CEP128: variants seen among roughly 807,000 people sequenced by gnomAD.
The protein encoded by CEP128 is centrosomal protein 128.
A neutral mutation model predicts 156.7 loss-of-function variants in CEP128; 132 were observed. That is an observed-to-expected ratio of 0.84 (90% confidence interval 0.73 to 0.97). CEP128 has a LOEUF of 0.97. CEP128 is among the 50% of genes least tolerant of loss of function. The pLI, the probability that CEP128 is intolerant of heterozygous loss-of-function variation, is 0.00. For synonymous variants in CEP128, 469 were observed against 448.9 expected (o/e 1.04, Z -0.57); for missense variants, 1,252 against 1,281.9 (o/e 0.98, Z 0.36).
rs1426169041 is a variant in CEP128, at chr14:80,776,535, TATTA to T, written c.2376+1343_2376+1346del. Among the ~76,000 whole-genome samples the T allele has an allele frequency of 8.8e-5, 13 of 147,914 alleles. No homozygotes were observed. In the East Asian group the frequency reaches 2.5e-3, roughly 29 times the overall value. On this transcript the variant is annotated intron_variant, in intron 16 of 24. Coordinates refer to ENST00000555265, the MANE Select transcript of CEP128 (RefSeq NM_152446.5). ...TTTTACTACTCTATATATTAATATA[TATTA>T]ATTATATATATTATTATATATATTA... is the stretch of plus-strand genomic sequence containing the variant.
chr14:80,933,876 T>G (rs1885631281), intron 2 of CEP128, among the ~76,000 whole-genome samples: 1 of 152,162 alleles, frequency 6.6e-6, no homozygotes, highest in African/African-American at 2.4e-5. Flanking sequence ...TTTTAGGAAG[T>G]CTGCATATGT....
chr14:80,551,462 C>T (rs1890205561), intron 21 of CEP128, among the ~76,000 whole-genome samples: 1 of 152,152 alleles, frequency 6.6e-6, no homozygotes, highest in Non-Finnish European at 1.5e-5. Flanking sequence ...ACTGTCAAAC[C>T]AATCAGACAA....
chr14:80,828,926 C>A (rs1885632686), intron 13 of CEP128, among the ~76,000 whole-genome samples: 1 of 152,124 alleles, frequency 6.6e-6, no homozygotes, highest in Non-Finnish European at 1.5e-5. Flanking sequence ...TATAAGGCAA[C>A]AGCTCCATAC....
At chr14:80,543,760 C>T (rs569865325) in intron 21 of CEP128, among the ~76,000 whole-genome samples, 3 of 152,312 alleles carry the variant, frequency 2.0e-5, no homozygotes, top group Non-Finnish European at 2.9e-5. Flanking sequence ...AACAATGAAG[C>T]TTTGTGGCTG....
intron 2 of CEP128, among the ~76,000 whole-genome samples, chr14:80,937,779 T>G (rs1227706012): frequency 2.6e-5 from 4 of 152,182 alleles, no homozygotes; most frequent in Admixed American, 6.5e-5. Context: ...ATAATATACA[T>G]GCTAATATAG....
chr14:80,645,007 G>C (rs933019733), intron 19 of CEP128, among the ~76,000 whole-genome samples: 1 of 151,992 alleles, frequency 6.6e-6, no homozygotes, highest in Non-Finnish European at 1.5e-5. Flanking sequence ...GACTACAAAC[G>C]TTGATAAATG....
At chr14:80,678,433 C>G (rs942817997) in intron 19 of CEP128, among the ~76,000 whole-genome samples, 1 of 151,842 alleles carries the variant, frequency 6.6e-6, no homozygotes, top group African/African-American at 2.4e-5. Context: ...TTTCTCCCCC[C>G]ACAAAATGGC....
At chr14:80,629,341 A>G (rs2140715600) in intron 19 of CEP128, among the ~76,000 whole-genome samples, 1 of 152,290 alleles carries the variant, frequency 6.6e-6, no homozygotes, top group East Asian at 1.9e-4. Flanking sequence ...ACAGTGTGTT[A>G]AACATCTAGC....
chr14:80,654,898 T>C (rs552442098), intron 19 of CEP128, among the ~76,000 whole-genome samples: 3 of 152,244 alleles, frequency 2.0e-5, no homozygotes, highest in East Asian at 1.9e-4. Flanking sequence ...AGTGTCACAG[T>C]GTAGCCACTG....
intron 19 of CEP128, among the ~76,000 whole-genome samples, chr14:80,598,589 C>A (rs1297124847): frequency 6.6e-6 from 1 of 152,034 alleles, no homozygotes; most frequent in Non-Finnish European, 1.5e-5. Context: ...CAAAATACAG[C>A]AATACTTTTT....
chr14:80,653,296 C>T (rs1894989381), intron 19 of CEP128, among the ~76,000 whole-genome samples: 1 of 151,934 alleles, frequency 6.6e-6, no homozygotes. Context: ...AACAAACCTG[C>T]ACATTCTACA....
intron 18 of CEP128, among the ~76,000 whole-genome samples, chr14:80,744,570 T>C (rs968050098): frequency 6.6e-6 from 1 of 152,170 alleles, no homozygotes; most frequent in Admixed American, 6.5e-5. Flanking sequence ...GAAACTCTAT[T>C]TAACCTCATT....
chr14:80,862,171 C>A (rs1318752576), intron 9 of CEP128, among the ~76,000 whole-genome samples: 2 of 152,094 alleles, frequency 1.3e-5, no homozygotes, highest in African/African-American at 2.4e-5. Context: ...TGTAAAGGGC[C>A]AAACTGCCAA....
downstream of CEP128, among the ~76,000 whole-genome samples, chr14:80,488,417 A>G (rs1183795428): frequency 6.6e-6 from 1 of 151,336 alleles, no homozygotes; most frequent in Non-Finnish European, 1.5e-5. Context: ...AGAATTGCAA[A>G]TCAAAACCAC....
At chr14:80,479,863 G>A (rs1887017230) in intron 14 of CEP128, among the ~76,000 whole-genome samples, 1 of 152,166 alleles carries the variant, frequency 6.6e-6, no homozygotes, top group East Asian at 1.9e-4. Context: ...AGATACAATA[G>A]GAGTTCAGGT....
intron 19 of CEP128, among the ~76,000 whole-genome samples, chr14:80,690,454 G>A (rs907898234): frequency 2.0e-5 from 3 of 150,534 alleles, no homozygotes. Context: ...TAACTAGCTA[G>A]GAATTTGATG....
At chr14:80,594,082 C>T (rs1892208993) in intron 19 of CEP128, among the ~76,000 whole-genome samples, 1 of 152,134 alleles carries the variant, frequency 6.6e-6, no homozygotes, top group Non-Finnish European at 1.5e-5. Context: ...TACTACAAGG[C>T]TACATTAACC....
intron 21 of CEP128, among the ~76,000 whole-genome samples, chr14:80,551,897 G>A (rs1890224205): frequency 6.6e-6 from 1 of 151,946 alleles, no homozygotes; most frequent in South Asian, 2.1e-4. Context: ...CTTACCCCAG[G>A]GCCTTTACTA....
intron 19 of CEP128, among the ~76,000 whole-genome samples, chr14:80,622,995 A>G (rs1595105047): frequency 6.6e-6 from 1 of 152,280 alleles, no homozygotes; most frequent in East Asian, 1.9e-4. Flanking sequence ...TGCTGCTATA[A>G]AGACACATGC....
Sources: gnomAD v4.1 joint callset for allele counts (sites outside exome capture counted in the v4.1 genomes callset) on GRCh38, gnomAD v4.1.1 for gene constraint, MANE v1.5 for transcripts, NCBI Gene and HGNC (gene_info 2026-07-23, HGNC 2026-07-21) for gene names.